Variants in NOP14 observed in about 807,000 individuals in gnomAD.
NOP14 encodes NOP14 nucleolar protein.
A neutral mutation model predicts 101.6 loss-of-function variants in NOP14; 57 were observed. The observed-to-expected ratio is 0.56, with a 90% CI of 0.45 to 0.70. The LOEUF is 0.70. Ranked by LOEUF, NOP14 falls within the 30% of genes least tolerant of loss-of-function variation. The pLI, the probability that NOP14 is intolerant of heterozygous loss-of-function variation, is 0.00. For missense variants in NOP14, 1,134 were observed against 1,075.5 expected (o/e 1.05, Z -0.76); for synonymous variants, 428 against 424.0 (o/e 1.01, Z -0.12).
chr4:2,946,551 T>C lies in NOP14; in HGVS notation c.1500-4A>G. 1 of 1,614,056 alleles carries C rather than the reference T, an allele frequency of 6.2e-7. No individual in the cohort carries two copies. ...CTGGCAAAGATGATATAAGTGCCTG[T>C]TAAGCAGAAATGTAAAGTCAGGAGA... On this transcript the variant is annotated splice_region_variant and splice_polypyrimidine_tract_variant and intron_variant, in intron 10 of 17. Transcript: ENST00000416614.
At chr4:2,944,823 CA>C (rs908202879) in intron 12 of NOP14, among the ~76,000 whole-genome samples, 3 of 152,098 alleles carry the variant, frequency 2.0e-5, no homozygotes, top group African/African-American at 7.2e-5. Context: ...CTTTTTAAGC[CA>C]AAAAGGGAAC....
chr4:2,959,541 T>C (rs755749490), intron 1 of NOP14, among the ~76,000 whole-genome samples: 22 of 151,916 alleles, frequency 1.4e-4, no homozygotes, highest in South Asian at 4.2e-4. Flanking sequence ...TGCAGTGAGC[T>C]GAGATTGTGC....
chr4:2,957,493 T>C, intron 2 of NOP14, 113 bp downstream of exon 2: 2 of 1,304,810 alleles, frequency 1.5e-6, no homozygotes, highest in Admixed American at 2.0e-5. Flanking sequence ...GGCTATCCCC[T>C]GGACCTTCCG....
In NOP14 at chr4:2,938,549, C is replaced by T. The variant is rs1713855266; in HGVS notation, c.*282G>A. 2 of 456,140 alleles carry T rather than the reference C, an allele frequency of 4.4e-6. No individual in the cohort carries two copies. The highest frequency in any genetic ancestry group is 9.0e-5 in the East Asian group (2 of 22,264). The allele number at this position is 456,140 out of a possible 1,614,324, so 28.3% of individuals were successfully genotyped here. ...TAAGCGACACAGTCTTGCACTGTGG[C>T]CGAGGCTGGAGTGCAGTGGCTCAAT... On this transcript the variant is annotated 3_prime_UTR_variant, in exon 18 of 18. Coordinates refer to ENST00000416614, the MANE Select transcript of NOP14 (RefSeq NM_001291978.2).
chr4:2,939,099 A>T, intron 17 of NOP14, 89 bp downstream of exon 17: 2 of 1,569,744 alleles, frequency 1.3e-6, no homozygotes, highest in Non-Finnish European at 1.7e-6. Flanking sequence ...AGGCTGTGGG[A>T]TGCCAGGTGC....
In NOP14 at chr4:2,947,714, T is replaced by TG. The variant is rs1270457874; in HGVS notation, c.1414-104dup. On this transcript the variant is annotated intron_variant, in intron 9 of 17. Coordinates refer to ENST00000416614, the MANE Select transcript of NOP14 (RefSeq NM_001291978.2). ...CACGTACATTCTGGTGACAACCAGGTGGGGCAGGGGAGCCCAGGGTGACAG... is the reference window on the plus strand; with the variant it reads ...CACGTACATTCTGGTGACAACCAGGTGGGGGCAGGGGAGCCCAGGGTGACAG... The TG allele has an allele frequency of 5.3e-6, 5 of 936,052 alleles. 1 individual carries two copies. The South Asian group carries it at 6.8e-5, about 13-fold the overall frequency. 58.0% of individuals were successfully genotyped at this position (936,052 alleles called of 1,614,324 possible). A position where few individuals can be genotyped will look rare whatever the true frequency, so the allele number is the denominator to read the frequency against.
chr4:2,939,510 A>T lies in NOP14; in HGVS notation c.2318+17T>A. On this transcript the variant is annotated intron_variant, in intron 16 of 17. Coordinates refer to ENST00000416614, the MANE Select transcript of NOP14 (RefSeq NM_001291978.2). Reference sequence around the variant, plus strand: ...CCCACAGCCCTGGCCTCCCAGGGAGATGCTGCCAGCACCCACACTTTGACC... The same window carrying T: ...CCCACAGCCCTGGCCTCCCAGGGAGTTGCTGCCAGCACCCACACTTTGACC... The T allele has an allele frequency of 6.2e-7, 1 of 1,609,534 alleles. No homozygotes were observed. The highest frequency in any genetic ancestry group is 1.7e-4 in the Middle Eastern group (1 of 6,040).
In NOP14 at chr4:2,944,476, G is replaced by A. The variant is rs546990670; in HGVS notation, c.1738-250C>T. Among the ~76,000 whole-genome samples, 55 of 152,130 alleles carry A rather than the reference G, an allele frequency of 3.6e-4. No individual in the cohort carries two copies. The Middle Eastern group carries it at 0.01, about 28-fold the overall frequency. On this transcript the variant is annotated intron_variant, in intron 12 of 17. Transcript: ENST00000416614. ...GGCTGGAGTGCAATGGCACAATCTC[G>A]GCTCACTGCAACCTCCACCTCCCGG...
At chr4:2,947,679 G>T in intron 9 of NOP14, 68 bp from the exon 10 acceptor site, 1 of 1,283,246 alleles carries the variant, frequency 7.8e-7, no homozygotes, top group Non-Finnish European at 1.1e-6. Flanking sequence ...CAGGCACACA[G>T]CTTCTGGATC....
Position 2,938,180 on chromosome 4 carries a change from T to TG in NOP14, c.*650dup, listed in dbSNP as rs756946507. 1.2e-5 allele frequency: 15 copies of TG among 1,285,394 alleles called. No individual in the cohort carries two copies. Among genetic ancestry groups the TG allele is most frequent in the African/African-American group, 3.1e-5 (2 of 65,466 alleles). The allele number at this position is 1,285,394 out of a possible 1,614,324, so 79.6% of individuals were successfully genotyped here. ...CAGAAACAAAACCGCAGGCAGCGGGTGGGGGGAGCTGGAGGTTGGAATCAC... is the reference window on the plus strand; with the variant it reads ...CAGAAACAAAACCGCAGGCAGCGGGTGGGGGGGAGCTGGAGGTTGGAATCAC... On this transcript the variant is annotated 3_prime_UTR_variant, in exon 18 of 18. Transcript: ENST00000416614.
Position 2,938,872 on chromosome 4 carries a change from C to T in NOP14, c.2533G>A (p.Gly845Ser), listed in dbSNP as rs1298126642. ...QLFNSLATQE[G>S]EWKALKRKKF... ...TTCCTCTTCAGAGCCTTCCATTCGC[C>T]TTCCTGTGTAGCCAGGCTGTTAAAA... The change falls in exon 18 of 18, where the codon GGC becomes AGC. Residue 845 changes from glycine (G) to serine (S), a missense_variant. Coordinates refer to ENST00000416614, the MANE Select transcript of NOP14 (RefSeq NM_001291978.2). 1.2e-6 allele frequency: 2 copies of T among 1,614,168 alleles called. No individual in the cohort carries two copies. Among genetic ancestry groups the T allele is most frequent in the East Asian group, 4.5e-5 (2 of 44,888 alleles).
At position 2,960,047 on chromosome 4, in the gene NOP14, A is replaced by G. The variant is rs561836072; in HGVS notation, c.196-2307T>C. Among the ~76,000 whole-genome samples the G allele has an allele frequency of 4.4e-4, 67 of 151,246 alleles. 1 individual carries two copies. The highest frequency in any genetic ancestry group is 1.3e-3 in the African/African-American group (55 of 41,198). On this transcript the variant is annotated intron_variant, in intron 1 of 17. Coordinates refer to ENST00000416614, the MANE Select transcript of NOP14 (RefSeq NM_001291978.2). ...TGCAGTGGCACAATCTCAGCTCACT[A>G]CAACCTCCACCTGCCGGGTTCAAGC...
intron 1 of NOP14, 101 bp downstream of exon 1, chr4:2,963,024 C>G (rs1407291507): frequency 8.1e-7 from 1 of 1,234,272 alleles, no homozygotes; most frequent in Admixed American, 3.0e-5. Flanking sequence ...CGGCCTGTGC[C>G]GCTCAACGAG....
intron 5 of NOP14, among the ~76,000 whole-genome samples, chr4:2,953,008 G>C (rs906911190): frequency 6.6e-6 from 1 of 152,162 alleles, no homozygotes; most frequent in Non-Finnish European, 1.5e-5. Flanking sequence ...GTAAAGTAAC[G>C]GTAACATCAA....
chr4:2,944,414 T>TA (rs1244406462), intron 12 of NOP14, among the ~76,000 whole-genome samples, 188 bp from the exon 13 acceptor site: 1 of 151,512 alleles, frequency 6.6e-6, no homozygotes, highest in African/African-American at 2.4e-5. Flanking sequence ...TTTAGTGATT[T>TA]TTTTTTCCCG....
Position 2,938,434 on chromosome 4 carries a change from C to T in NOP14, c.*397G>A, listed in dbSNP as rs961915349. 28 of 349,286 alleles carry T rather than the reference C, an allele frequency of 8.0e-5. No homozygotes were observed. The highest frequency in any genetic ancestry group is 1.9e-4 in the African/African-American group (9 of 46,388). 21.6% of individuals were successfully genotyped at this position (349,286 alleles called of 1,614,324 possible). Reference sequence around the variant, plus strand: ...ACTCGGGAGGCTGAGGCAGGAGAATCGCTTGAACCCAGGAGGTGGAGGTTG... The same window carrying T: ...ACTCGGGAGGCTGAGGCAGGAGAATTGCTTGAACCCAGGAGGTGGAGGTTG... On this transcript the variant is annotated 3_prime_UTR_variant, in exon 18 of 18. Transcript: ENST00000416614.
intron 3 of NOP14, among the ~76,000 whole-genome samples, chr4:2,956,126 G>C (rs1235683766): frequency 1.3e-5 from 2 of 152,184 alleles, no homozygotes; most frequent in African/African-American, 4.8e-5. Context: ...CATTATTTAA[G>C]GCCAAAATTT....
chr4:2,957,395 T>C (rs1273692518), intron 2 of NOP14, among the ~76,000 whole-genome samples: 1 of 152,200 alleles, frequency 6.6e-6, no homozygotes, highest in Non-Finnish European at 1.5e-5. Flanking sequence ...TGCCGTGTAG[T>C]AGAGTTAAGG....
At position 2,948,399 on chromosome 4, in the gene NOP14, G is replaced by C. The variant is rs142506334; in HGVS notation, c.1292C>G (p.Ser431Cys). ...ELPYTFAAPESYEELRSLLLG... is the reference protein window; with the variant it reads ...ELPYTFAAPECYEELRSLLLG... The stretch of plus-strand genomic sequence containing the variant: ...CAACAGAGATCTCAGTTCCTCATAG[G>C]ATTCAGGGGCTATCAAAAACACAAA... Residue 431 changes from serine (S) to cysteine (C), a missense_variant, in exon 9 of 18, where the codon TCC becomes TGC. Ser to Cys is a moderately radical substitution (Grantham distance 112, BLOSUM62 -1). Coordinates refer to ENST00000416614, the MANE Select transcript of NOP14 (RefSeq NM_001291978.2). 7 of 1,608,260 alleles carry C rather than the reference G, an allele frequency of 4.4e-6. No individual in the cohort carries two copies. In the African/African-American group the frequency reaches 9.4e-5, roughly 22 times the overall value.
Sources: allele counts gnomAD v4.1 joint callset (sites outside exome capture counted in the v4.1 genomes callset), GRCh38; gene constraint gnomAD v4.1.1; transcripts MANE v1.5; gene names NCBI Gene and HGNC (gene_info 2026-07-23, HGNC 2026-07-21).